Variants in CTNNA3 observed in about 807,000 individuals in gnomAD.
CTNNA3 encodes the protein catenin alpha-3.
Under a neutral mutation model 95.7 loss-of-function variants are expected in CTNNA3, and 76 were observed. The observed-to-expected ratio is 0.79, with a 90% CI of 0.66 to 0.96. CTNNA3 has a LOEUF of 0.96. Ranked by LOEUF, CTNNA3 falls within the 40% of genes least tolerant of loss-of-function variation. The pLI, the probability that CTNNA3 is intolerant of heterozygous loss-of-function variation, is 0.00. For synonymous variants in CTNNA3, 431 were observed against 374.4 expected (o/e 1.15, Z -1.74); for missense variants, 1,191 against 1,089.8 (o/e 1.09, Z -1.31).
intron 10 of CTNNA3, among the ~76,000 whole-genome samples, chr10:66,556,198 A>G (rs1842383842): frequency 6.6e-6 from 1 of 152,062 alleles, no homozygotes; most frequent in South Asian, 2.1e-4. Context: ...ATATTATACA[A>G]AAAATGAAAG....
At chr10:66,349,296 T>G (rs2092549352) in intron 12 of CTNNA3, among the ~76,000 whole-genome samples, 1 of 151,996 alleles carries the variant, frequency 6.6e-6, no homozygotes, top group Non-Finnish European at 1.5e-5. Context: ...TGAATGAGCT[T>G]GAAAAAGCCT....
intron 7 of CTNNA3, among the ~76,000 whole-genome samples, chr10:67,078,771 C>T (rs1481164535): frequency 6.6e-6 from 1 of 152,104 alleles, no homozygotes; most frequent in Non-Finnish European, 1.5e-5. Flanking sequence ...CCACCTCGGC[C>T]CCCCAACGTG....
intron 5 of CTNNA3, among the ~76,000 whole-genome samples, chr10:67,520,033 T>C (rs1028939686): frequency 2.0e-5 from 3 of 152,188 alleles, no homozygotes; most frequent in African/African-American, 7.2e-5. Flanking sequence ...TCACGCCTTA[T>C]TAGCTCCATG....
chr10:66,600,860 C>T (rs751359829), intron 10 of CTNNA3, among the ~76,000 whole-genome samples: 2 of 151,812 alleles, frequency 1.3e-5, no homozygotes, highest in African/African-American at 2.4e-5. Context: ...TTCTTTATCA[C>T]GTCTTTTACA....
chr10:67,751,181 C>T (rs1841404984), intron 1 of CTNNA3: 14 of 1,269,224 alleles, frequency 1.1e-5, no homozygotes, highest in Non-Finnish European at 1.4e-5. Flanking sequence ...GGGCCCGTAA[C>T]ATGTTGCAAT....
intron 7 of CTNNA3, among the ~76,000 whole-genome samples, chr10:67,097,323 T>C (rs1259073251): frequency 6.6e-6 from 1 of 151,948 alleles, no homozygotes; most frequent in Non-Finnish European, 1.5e-5. Context: ...AAATCTTTTA[T>C]CATTTTCAGA....
At chr10:66,393,283 G>A (rs2132536039) in intron 11 of CTNNA3, among the ~76,000 whole-genome samples, 1 of 152,140 alleles carries the variant, frequency 6.6e-6, no homozygotes, top group East Asian at 1.9e-4. Context: ...GTGTAATACT[G>A]CAGTGGTGAA....
chr10:66,384,595 T>C (rs2092872886), intron 11 of CTNNA3, among the ~76,000 whole-genome samples: 2 of 152,192 alleles, frequency 1.3e-5, no homozygotes, highest in South Asian at 2.1e-4. Context: ...GCAGACCTAA[T>C]AGACATCTAC....
intron 7 of CTNNA3, among the ~76,000 whole-genome samples, chr10:67,130,298 AT>A (rs1417280734): frequency 2.6e-5 from 4 of 152,184 alleles, no homozygotes; most frequent in Admixed American, 1.3e-4. Context: ...CTTGGTTTGT[AT>A]GATGAGGCTC....
chr10:66,009,410 C>G (rs1255100488), intron 15 of CTNNA3, among the ~76,000 whole-genome samples: 2 of 152,188 alleles, frequency 1.3e-5, no homozygotes, highest in African/African-American at 2.4e-5. Flanking sequence ...GACAGCACCA[C>G]AGACAACCCT....
At chr10:67,236,453 T>A (rs917162603) in intron 5 of CTNNA3, among the ~76,000 whole-genome samples, 1 of 143,668 alleles carries the variant, frequency 7.0e-6, no homozygotes, top group Admixed American at 7.5e-5. Flanking sequence ...TAGGTGGGAA[T>A]TGAACAATGA....
chr10:67,674,993 A>G (rs973342544), intron 1 of CTNNA3, among the ~76,000 whole-genome samples: 1 of 152,160 alleles, frequency 6.6e-6, no homozygotes, highest in Non-Finnish European at 1.5e-5. Flanking sequence ...ATTGCCATAC[A>G]TTAATATCTA....
intron 7 of CTNNA3, among the ~76,000 whole-genome samples, chr10:67,066,010 G>A (rs1397502696): frequency 1.3e-5 from 2 of 151,840 alleles, no homozygotes; most frequent in Non-Finnish European, 2.9e-5. Flanking sequence ...AATATTATTA[G>A]AAATAATAAT....
Position 66,329,698 on chromosome 10 carries a change from A to C in CTNNA3, c.1733-49077T>G, listed in dbSNP as rs376712735. On this transcript the variant is annotated intron_variant, in intron 12 of 17. Transcript: ENST00000433211. ...TGCATCACACATAGCTGGACGAGAAAAATTTAATACTTTTTTTTCTCACAG... is the reference window on the plus strand; with the variant it reads ...TGCATCACACATAGCTGGACGAGAACAATTTAATACTTTTTTTTCTCACAG... Among the ~76,000 whole-genome samples, 68 of 152,234 alleles carry C rather than the reference A, an allele frequency of 4.5e-4. 1 individual carries two copies. In the South Asian group the frequency reaches 0.014, roughly 31 times the overall value.
intron 15 of CTNNA3, among the ~76,000 whole-genome samples, chr10:66,039,805 T>C (rs2079645852): frequency 6.6e-6 from 1 of 152,166 alleles, no homozygotes; most frequent in African/African-American, 2.4e-5. Flanking sequence ...AATACCATTT[T>C]GGACATATGA....
chr10:67,646,944 T>C (rs1017331016), intron 2 of CTNNA3, among the ~76,000 whole-genome samples: 2 of 152,094 alleles, frequency 1.3e-5, no homozygotes, highest in Non-Finnish European at 2.9e-5. Context: ...TTTAAATAGC[T>C]GCTTTTCTCA....
At chr10:67,737,036 T>G (rs927551779) in intron 1 of CTNNA3, among the ~76,000 whole-genome samples, 1 of 152,018 alleles carries the variant, frequency 6.6e-6, no homozygotes, top group Non-Finnish European at 1.5e-5. Context: ...TGATCTCAGC[T>G]CACTGCAACC....
chr10:67,545,952 T>C (rs1249958335), intron 3 of CTNNA3, among the ~76,000 whole-genome samples: 1 of 152,196 alleles, frequency 6.6e-6, no homozygotes, highest in Non-Finnish European at 1.5e-5. Context: ...CTTAAAACTT[T>C]ATTAATATCT....
At chr10:67,711,329 A>T (rs181337652) in intron 1 of CTNNA3, among the ~76,000 whole-genome samples, 29 of 152,350 alleles carry the variant, frequency 1.9e-4, no homozygotes, top group African/African-American at 6.7e-4. Flanking sequence ...AGAAGAAGAA[A>T]GAAAAATAAG....
Sources: gnomAD v4.1 joint callset for allele counts (sites outside exome capture counted in the v4.1 genomes callset) on GRCh38, gnomAD v4.1.1 for gene constraint, MANE v1.5 for transcripts, NCBI Gene and HGNC (gene_info 2026-07-23, HGNC 2026-07-21) for gene names.